CCDC169: variants seen among roughly 807,000 people sequenced by gnomAD.
CCDC169 encodes the protein coiled-coil domain containing 169.
CCDC169 carries 30 observed loss-of-function variants against 36.0 expected under a neutral mutation model. That is an observed-to-expected ratio of 0.83 (90% CI 0.62 to 1.13). CCDC169 has a LOEUF of 1.13. Ranked by LOEUF, CCDC169 falls within the 50% of genes most tolerant of loss-of-function variation. The probability of loss-of-function intolerance (pLI) is 0.00; values close to 1 mark genes in which losing one functional copy is unlikely to be tolerated. For synonymous variants in CCDC169, 85 were observed against 81.5 expected (o/e 1.04, Z -0.23); for missense variants, 245 against 245.9 (o/e 1.00, Z 0.03).
intron 7 of CCDC169, among the ~76,000 whole-genome samples, chr13:36,233,505 A>G (rs1043740702): frequency 2.7e-5 from 4 of 148,846 alleles, no homozygotes; most frequent in Non-Finnish European, 6.0e-5. Flanking sequence ...TTAATAGAGA[A>G]AGACTTTAAA....
intron 7 of CCDC169, chr13:36,240,646 G>A (rs776828593): frequency 7.8e-7 from 1 of 1,283,386 alleles, no homozygotes; most frequent in South Asian, 1.2e-5. Flanking sequence ...TCTTCCTTTA[G>A]GGCTTTTAGT....
chr13:36,239,899 G>C (rs143665395), intron 7 of CCDC169, among the ~76,000 whole-genome samples: 38 of 151,700 alleles, frequency 2.5e-4, no homozygotes, highest in African/African-American at 9.2e-4. Context: ...AAGCTATTTT[G>C]AGAGAGAGAG....
chr13:36,285,614 G>GACAGATAGATAGATAGATAC (rs1878125086), intron 2 of CCDC169, among the ~76,000 whole-genome samples: 1 of 138,074 alleles, frequency 7.2e-6, no homozygotes, highest in Non-Finnish European at 1.6e-5. Context: ...TAGATAGATA[G>GACAGATAGATAGATAGATAC]ATAGATACAT....
intron 4 of CCDC169, among the ~76,000 whole-genome samples, chr13:36,264,022 G>T (rs1317794598): frequency 6.6e-6 from 1 of 152,076 alleles, no homozygotes; most frequent in East Asian, 1.9e-4. Flanking sequence ...GATGTAAAAT[G>T]AATCCAACCC....
intron 4 of CCDC169, among the ~76,000 whole-genome samples, chr13:36,260,776 A>G (rs7321043): frequency 0.41 from 61,611 of 151,842 alleles, 13,269 homozygotes; most frequent in Non-Finnish European, 0.48. Context: ...ATTGTTTTTC[A>G]TTTTTTGTGT....
intron 2 of CCDC169, among the ~76,000 whole-genome samples, chr13:36,291,570 T>A (rs962461092): frequency 6.6e-6 from 1 of 152,186 alleles, no homozygotes; most frequent in Non-Finnish European, 1.5e-5. Flanking sequence ...ATTTTCTAAT[T>A]CTTTATTAAT....
At chr13:36,280,122 A>G (rs1877319357) in intron 4 of CCDC169, 1 of 152,206 alleles carries the variant, frequency 6.6e-6, no homozygotes, top group African/African-American at 2.4e-5. Context: ...TGATATGCAC[A>G]GTATGATACT....
chr13:36,270,487 C>T (rs996455688), intron 4 of CCDC169, among the ~76,000 whole-genome samples: 1 of 151,974 alleles, frequency 6.6e-6, no homozygotes, highest in Non-Finnish European at 1.5e-5. Flanking sequence ...AAAAGAACAA[C>T]TCTGGAGGCA....
chr13:36,241,709 T>C lies in CCDC169; in HGVS notation c.545+6897A>G, dbSNP rs190182035. Among the ~76,000 whole-genome samples, 32 of 150,988 alleles carry C rather than the reference T, an allele frequency of 2.1e-4. 1 individual carries two copies. The highest frequency in any genetic ancestry group is 2.0e-3 in the Admixed American group (30 of 14,958). ...AACATTCTTGTTCTTTTGGTGTAAA[T>C]GTATGCACCATTCTATTTGATATAT... On this transcript the variant is annotated intron_variant, in intron 7 of 7. Transcript: ENST00000239859.
At chr13:36,235,454 G>A (rs1257407909) in intron 7 of CCDC169, among the ~76,000 whole-genome samples, 2 of 151,522 alleles carry the variant, frequency 1.3e-5, no homozygotes, top group Non-Finnish European at 3.0e-5. Flanking sequence ...TATATTTACG[G>A]CCATAAATTT....
At chr13:36,290,696 TAACTC>T (rs775795579) in intron 2 of CCDC169, among the ~76,000 whole-genome samples, 2 of 152,224 alleles carry the variant, frequency 1.3e-5, no homozygotes, top group Admixed American at 6.5e-5. Context: ...AATTTATAGA[TAACTC>T]AACTTTATAA....
Position 36,297,811 on chromosome 13 carries a change from C to T in CCDC169, c.-92G>A. On this transcript the variant is annotated 5_prime_UTR_variant, in exon 1 of 8. Coordinates refer to ENST00000239859, the MANE Select transcript of CCDC169 (RefSeq NM_001144981.3). ...ACCCAGAAGCCAGTACGGCACGAGGCGGTGAACCCCAACCGCCCCCCGGTC... is the reference window on the plus strand; with the variant it reads ...ACCCAGAAGCCAGTACGGCACGAGGTGGTGAACCCCAACCGCCCCCCGGTC... 1 of 1,238,540 alleles carries T rather than the reference C, an allele frequency of 8.1e-7. No homozygotes were observed. Among genetic ancestry groups the T allele is most frequent in the Non-Finnish European group, 1.1e-6 (1 of 875,074 alleles). 76.7% of individuals were successfully genotyped at this position (1,238,540 alleles called of 1,614,324 possible).
intron 4 of CCDC169, among the ~76,000 whole-genome samples, chr13:36,265,729 G>T (rs766802008): frequency 1.3e-5 from 2 of 152,216 alleles, no homozygotes; most frequent in South Asian, 2.1e-4. Flanking sequence ...TCCCTACCAT[G>T]ATAGCTTTTA....
chr13:36,244,180 G>A (rs1872205046), intron 7 of CCDC169, among the ~76,000 whole-genome samples: 1 of 152,028 alleles, frequency 6.6e-6, no homozygotes, highest in African/African-American at 2.4e-5. Flanking sequence ...AAGCCCACTT[G>A]CGAGGTTGGC....
chr13:36,232,590 G>C (rs1008977948), intron 7 of CCDC169, among the ~76,000 whole-genome samples: 1 of 152,022 alleles, frequency 6.6e-6, no homozygotes, highest in East Asian at 1.9e-4. Context: ...GAGGCCAGGA[G>C]TTTGAGACCA....
At chr13:36,272,223 A>C (rs1235527875) in intron 4 of CCDC169, among the ~76,000 whole-genome samples, 7 of 148,996 alleles carry the variant, frequency 4.7e-5, no homozygotes, top group African/African-American at 1.7e-4. Context: ...CATGTGACAA[A>C]AAAAAAAAAC....
At chr13:36,291,122 T>C (rs1925847) in intron 2 of CCDC169, among the ~76,000 whole-genome samples, 38,494 of 151,970 alleles carry the variant, frequency 0.25, 5,158 homozygotes, top group East Asian at 0.49. Flanking sequence ...CACTATACCT[T>C]CCCCCAATTT....
chr13:36,274,204 A>C (rs1876471156), intron 4 of CCDC169: 1 of 152,194 alleles, frequency 6.6e-6, no homozygotes, highest in South Asian at 2.1e-4. Context: ...AGACGACAAA[A>C]ACACATTATA....
chr13:36,270,979 G>A (rs780243040), intron 4 of CCDC169, among the ~76,000 whole-genome samples: 5 of 152,036 alleles, frequency 3.3e-5, no homozygotes, highest in Non-Finnish European at 7.4e-5. Context: ...ATCACAGCAA[G>A]CACACAACCC....
Sources: gnomAD v4.1 joint callset for allele counts (sites outside exome capture counted in the v4.1 genomes callset) on GRCh38, gnomAD v4.1.1 for gene constraint, MANE v1.5 for transcripts, NCBI Gene and HGNC (gene_info 2026-07-23, HGNC 2026-07-21) for gene names.